Variants in MAGI3 observed in about 807,000 individuals in gnomAD.
MAGI3 encodes the protein membrane-associated guanylate kinase, WW and PDZ domain-containing protein 3.
In MAGI3, 43 loss-of-function variants were observed where a neutral mutation model predicts 121.8. The observed-to-expected ratio is 0.35, with a 90% CI of 0.28 to 0.46. The LOEUF is 0.46. MAGI3 is among the 20% of genes least tolerant of loss of function. The pLI, the probability that MAGI3 is intolerant of heterozygous loss-of-function variation, is 1.00. For missense variants in MAGI3, 1,547 were observed against 1,797.3 expected (o/e 0.86, Z 2.52); for synonymous variants, 553 against 639.3 (o/e 0.86, Z 2.04).
At chr1:113,605,844 T>A (rs1366940862) in intron 6 of MAGI3, among the ~76,000 whole-genome samples, 10 of 152,052 alleles carry the variant, frequency 6.6e-5, no homozygotes, top group Non-Finnish European at 1.3e-4. Context: ...GTGATCCGCC[T>A]GCCTCGGCCT....
intron 2 of MAGI3, among the ~76,000 whole-genome samples, chr1:113,578,601 T>A (rs1279613065): frequency 6.6e-6 from 1 of 152,158 alleles, no homozygotes; most frequent in East Asian, 1.9e-4. Flanking sequence ...TAAAAATTTT[T>A]TTATAGAGAC....
chr1:113,391,447 C>T lies in MAGI3; in HGVS notation c.316+98C>T, dbSNP rs1246891308. The stretch of plus-strand genomic sequence containing the variant: ...GGCACCTCCCCACCGCGTATTGTCC[C>T]GGGTAATCTTAGACCTCTAGGGTGT... On this transcript the variant is annotated intron_variant, in intron 1 of 20. Transcript: ENST00000307546. The surrounding 1 kb of genome is among the most constrained non-coding windows in gnomAD (Gnocchi z 4.4). 1.4e-5 allele frequency: 19 copies of T among 1,346,238 alleles called. No individual in the cohort carries two copies. The highest frequency in any genetic ancestry group is 1.7e-5 in the Non-Finnish European group (17 of 973,396). 83.4% of individuals were successfully genotyped at this position (1,346,238 alleles called of 1,614,324 possible).
At chr1:113,552,572 T>C (rs903017032) in intron 2 of MAGI3, among the ~76,000 whole-genome samples, 9 of 152,196 alleles carry the variant, frequency 5.9e-5, no homozygotes, top group Non-Finnish European at 1.3e-4. Flanking sequence ...CTTTCTAAGA[T>C]AGGTCTTTTT....
chr1:113,507,481 AAC>A (rs1258563573), intron 1 of MAGI3, among the ~76,000 whole-genome samples: 1 of 152,202 alleles, frequency 6.6e-6, no homozygotes, highest in African/African-American at 2.4e-5. Context: ...CTGTAAATCT[AAC>A]CTTTTCTCTT....
intron 7 of MAGI3, 144 bp from the exon 8 acceptor site, chr1:113,619,592 C>G: frequency 1.9e-6 from 1 of 523,224 alleles, no homozygotes; most frequent in Admixed American, 3.6e-5. Flanking sequence ...CCTCTGCTAT[C>G]ATCTATCAGT....
chr1:113,556,778 C>A (rs2101680779), intron 2 of MAGI3, among the ~76,000 whole-genome samples: 1 of 152,014 alleles, frequency 6.6e-6, no homozygotes, highest in Admixed American at 6.6e-5. Flanking sequence ...GTTGCCTAGG[C>A]TGGTCTCAAA....
At chr1:113,641,461 A>G (rs1652528055) in intron 9 of MAGI3, among the ~76,000 whole-genome samples, 1 of 151,702 alleles carries the variant, frequency 6.6e-6, no homozygotes, top group Admixed American at 6.6e-5. Context: ...CAGTGTATGT[A>G]TATATACATA....
chr1:113,468,688 A>G (rs1349121880), intron 1 of MAGI3, among the ~76,000 whole-genome samples: 3 of 152,196 alleles, frequency 2.0e-5, no homozygotes, highest in Non-Finnish European at 4.4e-5. Context: ...TTTGTCGTCA[A>G]TAATTTTAAT....
chr1:113,558,377 T>C (rs1660085039), intron 2 of MAGI3, among the ~76,000 whole-genome samples: 1 of 152,190 alleles, frequency 6.6e-6, no homozygotes, highest in Non-Finnish European at 1.5e-5. Flanking sequence ...CCCCCTGTTA[T>C]AGCTGAAAAC....
intron 5 of MAGI3, 66 bp from the exon 6 acceptor site, chr1:113,594,415 T>G (rs540266962): frequency 7.6e-7 from 1 of 1,315,714 alleles, no homozygotes; most frequent in African/African-American, 1.5e-5. Flanking sequence ...ACTTTTAATC[T>G]TTACTTTTGA....
intron 6 of MAGI3, among the ~76,000 whole-genome samples, chr1:113,596,310 A>G (rs746686011): frequency 6.6e-6 from 1 of 152,198 alleles, no homozygotes; most frequent in Non-Finnish European, 1.5e-5. Context: ...ATGAACCTCA[A>G]TTATGCCTCA....
chr1:113,401,892 G>C (rs1025592587), intron 1 of MAGI3, among the ~76,000 whole-genome samples: 3 of 152,178 alleles, frequency 2.0e-5, no homozygotes, highest in African/African-American at 7.2e-5. Context: ...ATCCTTTGAA[G>C]AGGCAGGTAA....
chr1:113,395,736 G>A (rs1438918327), intron 1 of MAGI3, among the ~76,000 whole-genome samples: 3 of 151,026 alleles, frequency 2.0e-5, no homozygotes, highest in Non-Finnish European at 3.0e-5. Context: ...TATCATTTTG[G>A]GTACTTTATT....
chr1:113,581,892 G>A (rs1257573563), intron 3 of MAGI3, among the ~76,000 whole-genome samples: 3 of 151,778 alleles, frequency 2.0e-5, no homozygotes, highest in East Asian at 1.9e-4. Flanking sequence ...AGAGAATCTC[G>A]GAATACTGTA....
Position 113,681,289 on chromosome 1 carries a change from A to G in MAGI3, c.3281A>G (p.Lys1094Arg). 1 of 1,614,140 alleles carries G rather than the reference A, an allele frequency of 6.2e-7. No homozygotes were observed. Among genetic ancestry groups the G allele is most frequent in the Non-Finnish European group, 8.5e-7 (1 of 1,180,020 alleles). Residue 1094 changes from lysine (K) to arginine (R), a missense_variant, in exon 20 of 21, where the codon AAA becomes AGA. Physicochemically the swap from Lys to Arg is conservative, Grantham distance 26. Transcript: ENST00000307546. ...GAGCTCATTCAGGCTGGTGGAAATAAAGTTCTTCTTCTTTTGAGGCCAGGA... is the reference window on the plus strand; with the variant it reads ...GAGCTCATTCAGGCTGGTGGAAATAGAGTTCTTCTTCTTTTGAGGCCAGGA... ...AIELIQAGGN[K>R]VLLLLRPGTG...
At chr1:113,654,840 A>G (rs1362573153) in intron 15 of MAGI3, among the ~76,000 whole-genome samples, 1 of 152,220 alleles carries the variant, frequency 6.6e-6, no homozygotes, top group African/African-American at 2.4e-5. Flanking sequence ...CCTTGCCTTT[A>G]CAAGTCAGTT....
chr1:113,643,689 G>A (rs1652674956), intron 10 of MAGI3, 54 bp from the exon 11 acceptor site: 6 of 1,552,848 alleles, frequency 3.9e-6, no homozygotes, highest in Admixed American at 1.7e-5. Context: ...AGCAGTATTT[G>A]TGATCTGGGA....
chr1:113,654,569 C>T (rs893821706), intron 15 of MAGI3, among the ~76,000 whole-genome samples: 2 of 151,948 alleles, frequency 1.3e-5, no homozygotes, highest in African/African-American at 4.8e-5. Context: ...ATTTTGTCAA[C>T]AATTGGAAAA....
chr1:113,562,947 G>A (rs1219906644), intron 2 of MAGI3, among the ~76,000 whole-genome samples: 1 of 152,184 alleles, frequency 6.6e-6, no homozygotes, highest in Non-Finnish European at 1.5e-5. Flanking sequence ...GAAAATAGTG[G>A]AGGGAACATT....
Sources: allele counts gnomAD v4.1 joint callset (sites outside exome capture counted in the v4.1 genomes callset), GRCh38; gene constraint gnomAD v4.1.1; non-coding constraint Gnocchi (gnomAD v3.1); transcripts MANE v1.5; gene names NCBI Gene and HGNC (gene_info 2026-07-23, HGNC 2026-07-21).